CSMD1: variants seen among roughly 807,000 people sequenced by gnomAD.
CSMD1 encodes CUB and sushi domain-containing protein 1.
Under a neutral mutation model 417.5 loss-of-function variants are expected in CSMD1, and 213 were observed. The ratio of observed to expected loss-of-function variants is 0.51; its 90% CI spans 0.46 to 0.57. The LOEUF (loss-of-function observed/expected upper bound fraction) is 0.57. CSMD1 is among the 20% of genes least tolerant of loss of function. CSMD1 has a pLI of 0.00. For missense variants in CSMD1, 6,923 were observed against 4,529.7 expected, an observed-to-expected ratio of 1.53 and a Z score of -15.17; for synonymous variants, 2,862 against 1,736.8, an observed-to-expected ratio of 1.65 and a Z score of -16.11.
At chr8:4,960,838 ACAT>A (rs1279631211) in intron 1 of CSMD1, among the ~76,000 whole-genome samples, 1 of 152,176 alleles carries the variant, frequency 6.6e-6, no homozygotes, top group Non-Finnish European at 1.5e-5. Flanking sequence ...GAATTCATTT[ACAT>A]CATAAGTTAT....
chr8:3,452,394 C>A (rs1358597383), intron 12 of CSMD1, among the ~76,000 whole-genome samples: 2 of 152,158 alleles, frequency 1.3e-5, no homozygotes, highest in African/African-American at 4.8e-5. Context: ...TGTCTTGTGC[C>A]AGTTTTGAAA....
At chr8:4,981,201 C>G (rs141920799) in intron 1 of CSMD1, among the ~76,000 whole-genome samples, 2 of 152,260 alleles carry the variant, frequency 1.3e-5, no homozygotes, top group Non-Finnish European at 2.9e-5. Flanking sequence ...GAAACACATT[C>G]ATGAAGGCAG....
chr8:4,106,369 C>A (rs964094995), intron 3 of CSMD1, among the ~76,000 whole-genome samples: 2 of 152,156 alleles, frequency 1.3e-5, no homozygotes, highest in Non-Finnish European at 2.9e-5. Flanking sequence ...ATAAAGCATT[C>A]AATTACAATG....
chr8:3,606,937 C>T (rs1801647646), intron 8 of CSMD1, among the ~76,000 whole-genome samples: 1 of 152,016 alleles, frequency 6.6e-6, no homozygotes, highest in African/African-American at 2.4e-5. Context: ...GTCTCGATCT[C>T]TTAATCTCAT....
Position 3,990,974 on chromosome 8 carries a change from G to A in CSMD1, c.818+6929C>T, listed in dbSNP as rs924325127. On this transcript the variant is annotated intron_variant, in intron 5 of 69. Coordinates refer to ENST00000635120, the MANE Select transcript of CSMD1 (RefSeq NM_033225.6). The stretch of plus-strand genomic sequence containing the variant: ...TGATGCTTTTCAGAAGGACAGGAGA[G>A]AAAATGTGTCTTGCAAAAACACACC... 2.6e-5 allele frequency among the ~76,000 whole-genome samples: 4 copies of A among 152,168 alleles called. No individual in the cohort carries two copies. The East Asian group carries it at 7.7e-4, about 29-fold the overall frequency.
At position 3,180,985 on chromosome 8, in the gene CSMD1, T is replaced by C. The variant is rs545362096; in HGVS notation, c.5725+125A>G. 411 of 670,654 alleles carry C rather than the reference T, an allele frequency of 6.1e-4. 5 individuals are homozygous for C. The East Asian group carries it at 0.011, about 19-fold the overall frequency. 41.5% of individuals were successfully genotyped at this position (670,654 alleles called of 1,614,324 possible). A position where few individuals can be genotyped will look rare whatever the true frequency, so the allele number is the denominator to read the frequency against. ...CCAGATTTCATAACACTAAATTTCA[T>C]GCAAGTCTTTCACAGTTTTAGAAAA... On this transcript the variant is annotated intron_variant, in intron 37 of 69. Coordinates refer to ENST00000635120, the MANE Select transcript of CSMD1 (RefSeq NM_033225.6).
At chr8:4,877,148 C>T (rs1803094842) in intron 1 of CSMD1, among the ~76,000 whole-genome samples, 1 of 151,872 alleles carries the variant, frequency 6.6e-6, no homozygotes, top group Non-Finnish European at 1.5e-5. Flanking sequence ...TTTTTCATGA[C>T]ACATTTTACA....
intron 4 of CSMD1, among the ~76,000 whole-genome samples, chr8:4,015,302 C>T (rs930307950): frequency 6.6e-6 from 1 of 152,064 alleles, no homozygotes; most frequent in Non-Finnish European, 1.5e-5. Flanking sequence ...TTTATAGGCA[C>T]CCATAAAAAG....
intron 3 of CSMD1, among the ~76,000 whole-genome samples, chr8:4,050,931 C>T (rs888817575): frequency 4.6e-5 from 7 of 152,042 alleles, no homozygotes; most frequent in African/African-American, 9.7e-5. Context: ...GACCTATATT[C>T]CCATCCATGA....
chr8:4,461,223 G>A (rs78080623), intron 2 of CSMD1, among the ~76,000 whole-genome samples: 3 of 151,956 alleles, frequency 2.0e-5, no homozygotes, highest in South Asian at 4.2e-4. Context: ...CTAGCAATGG[G>A]GAATTTCTTC....
rs74508646 is a variant in CSMD1 at position 3,167,296 on chromosome 8, A to G, written c.5726-5019T>C. Among the ~76,000 whole-genome samples the G allele has an allele frequency of 3.7e-3, 482 of 131,700 alleles. 1 individual carries two copies. Among genetic ancestry groups the G allele is most frequent in the African/African-American group, 5.6e-3 (140 of 24,804 alleles). The allele number at this position is 131,700 out of a possible 152,430, so 86.4% of individuals were successfully genotyped here. A position where few individuals can be genotyped will look rare whatever the true frequency, so the allele number is the denominator to read the frequency against. ...AAGACTCCAACTTGGAAAAAGAAAA[A>G]AAAAAAAAAAAAAGGTGGTTCACAA... On this transcript the variant is annotated intron_variant, in intron 37 of 69. Coordinates refer to ENST00000635120, the MANE Select transcript of CSMD1 (RefSeq NM_033225.6).
intron 10 of CSMD1, among the ~76,000 whole-genome samples, chr8:3,544,196 G>T (rs1293032299): frequency 6.6e-6 from 1 of 151,980 alleles, no homozygotes; most frequent in Non-Finnish European, 1.5e-5. Flanking sequence ...CATGGTTAAG[G>T]GAAGAGATTG....
At chr8:4,612,271 G>A (rs1396158771) in intron 2 of CSMD1, among the ~76,000 whole-genome samples, 1 of 152,066 alleles carries the variant, frequency 6.6e-6, no homozygotes, top group East Asian at 1.9e-4. Context: ...TAAATGAAGA[G>A]ATCCCAAAGC....
chr8:4,198,685 C>A (rs1032732802), intron 3 of CSMD1, among the ~76,000 whole-genome samples: 1 of 152,128 alleles, frequency 6.6e-6, no homozygotes, highest in African/African-American at 2.4e-5. Context: ...TGGTAAAACC[C>A]CAAGGACTAC....
At position 4,637,566 on chromosome 8, in the gene CSMD1, A is replaced by AG; in HGVS notation, c.86-9dup. ...AGCCTCCACAGTTCTGACCTGGAAG[A>AG]GAAAACACACACAAAAAAGCATATT... is the stretch of plus-strand genomic sequence containing the variant. On this transcript the variant is annotated splice_polypyrimidine_tract_variant and intron_variant, in intron 1 of 69. Coordinates refer to ENST00000635120, the MANE Select transcript of CSMD1 (RefSeq NM_033225.6). 3 of 1,598,990 alleles carry AG rather than the reference A, an allele frequency of 1.9e-6. No individual in the cohort carries two copies. The highest frequency in any genetic ancestry group is 2.6e-6 in the Non-Finnish European group (3 of 1,167,176).
intron 5 of CSMD1, among the ~76,000 whole-genome samples, chr8:3,896,223 T>C (rs549252853): frequency 8.5e-5 from 13 of 152,296 alleles, no homozygotes; most frequent in African/African-American, 3.1e-4. Flanking sequence ...TTCTATAGCC[T>C]GGTTGCTGTC....
intron 41 of CSMD1, among the ~76,000 whole-genome samples, chr8:3,140,327 T>TTC (rs531790394): frequency 2.6e-3 from 350 of 134,112 alleles, no homozygotes; most frequent in African/African-American, 4.4e-3. Flanking sequence ...CTCTCTGATG[T>TTC]TCTCTCTCTC....
At chr8:4,570,393 C>T (rs908237352) in intron 2 of CSMD1, among the ~76,000 whole-genome samples, 1 of 152,190 alleles carries the variant, frequency 6.6e-6, no homozygotes, top group African/African-American at 2.4e-5. Context: ...TCGGGATAAT[C>T]ATGTGGCTTT....
intron 10 of CSMD1, among the ~76,000 whole-genome samples, chr8:3,506,807 T>G (rs1000267940): frequency 2.0e-5 from 3 of 152,214 alleles, no homozygotes; most frequent in Admixed American, 2.0e-4. Flanking sequence ...CTGGATTTTT[T>G]AAATGCTTTT....
Sources: gnomAD v4.1 joint callset for allele counts (sites outside exome capture counted in the v4.1 genomes callset) on GRCh38, gnomAD v4.1.1 for gene constraint, MANE v1.5 for transcripts, NCBI Gene and HGNC (gene_info 2026-07-23, HGNC 2026-07-21) for gene names.